Variants in TENM4 observed in about 807,000 individuals in gnomAD.
TENM4 encodes the protein teneurin transmembrane protein 4.
In TENM4, 82 loss-of-function variants were observed where a neutral mutation model predicts 243.3. That is an observed-to-expected ratio of 0.34 (90% CI 0.28 to 0.40). TENM4 has a LOEUF of 0.40. TENM4 is among the 10% of genes least tolerant of loss of function. The probability of loss-of-function intolerance (pLI) is 1.00; values close to 1 mark genes in which losing one functional copy is unlikely to be tolerated. For synonymous variants in TENM4, 1,412 were observed against 1,456.3 expected, an observed-to-expected ratio of 0.97 and a Z score of 0.69; for missense variants, 3,138 against 3,673.3, an observed-to-expected ratio of 0.85 and a Z score of 3.77.
intron 1 of TENM4, among the ~76,000 whole-genome samples, chr11:79,389,329 A>T (rs1187958562): frequency 6.6e-6 from 1 of 151,528 alleles, no homozygotes; most frequent in Non-Finnish European, 1.5e-5. Flanking sequence ...CTAATTTTTA[A>T]TTTTTTTTTG....
chr11:79,282,155 A>T (rs1447328621), intron 2 of TENM4, among the ~76,000 whole-genome samples: 1 of 152,238 alleles, frequency 6.6e-6, no homozygotes, highest in African/African-American at 2.4e-5. Context: ...AAAGACATTA[A>T]AAAGTACTGA....
At chr11:78,907,027 G>A (rs1856078912) in intron 6 of TENM4, among the ~76,000 whole-genome samples, 1 of 152,118 alleles carries the variant, frequency 6.6e-6, no homozygotes, top group African/African-American at 2.4e-5. Flanking sequence ...TATTTGCCTG[G>A]AGCCAGAGTT....
At chr11:79,023,431 G>A (rs1485112735) in intron 6 of TENM4, among the ~76,000 whole-genome samples, 1 of 151,932 alleles carries the variant, frequency 6.6e-6, no homozygotes, top group Non-Finnish European at 1.5e-5. Context: ...GCGCAGTGGT[G>A]TGCACCTGTA....
chr11:79,279,953 C>A (rs1386451792), intron 2 of TENM4, among the ~76,000 whole-genome samples: 1 of 152,102 alleles, frequency 6.6e-6, no homozygotes, highest in Non-Finnish European at 1.5e-5. Flanking sequence ...GTGGAGGGAA[C>A]TAGCTCGGCC....
intron 1 of TENM4, among the ~76,000 whole-genome samples, chr11:79,424,673 G>A (rs1324917433): frequency 1.3e-5 from 2 of 151,342 alleles, no homozygotes; most frequent in Non-Finnish European, 2.9e-5. Context: ...AGAGGCTCAC[G>A]CCTGTAATCC....
At chr11:79,252,620 ATCATTGC>A (rs1855631373) in intron 2 of TENM4, among the ~76,000 whole-genome samples, 3 of 152,204 alleles carry the variant, frequency 2.0e-5, no homozygotes, top group African/African-American at 7.2e-5. Flanking sequence ...GGAAGATTGA[ATCATTGC>A]TCCTAATTCT....
intron 15 of TENM4, among the ~76,000 whole-genome samples, chr11:78,803,715 G>A (rs55819890): frequency 6.6e-6 from 1 of 152,212 alleles, no homozygotes; most frequent in Non-Finnish European, 1.5e-5. Flanking sequence ...TACCTCCTCA[G>A]AGGCTGTGGG....
At chr11:78,662,981 G>A (rs1239810799) in intron 32 of TENM4, among the ~76,000 whole-genome samples, 1 of 152,212 alleles carries the variant, frequency 6.6e-6, no homozygotes. Flanking sequence ...GGCCTAGAGA[G>A]GGAAGGTGTG....
At chr11:78,854,942 T>C (rs1427502284) in intron 11 of TENM4, among the ~76,000 whole-genome samples, 2 of 152,214 alleles carry the variant, frequency 1.3e-5, no homozygotes, top group East Asian at 1.9e-4. Context: ...CAATTGCCAA[T>C]TGATCGGAGA....
rs572852477 is a variant in TENM4 at position 79,403,133 on chromosome 11, A to C, written c.-321+37376T>G. ...CACATGACATGCTGTCAATAGAGTCAAAAGATATGGCCCTTTAGTGAAGGA... is the reference window on the plus strand; with the variant it reads ...CACATGACATGCTGTCAATAGAGTCCAAAGATATGGCCCTTTAGTGAAGGA... On this transcript the variant is annotated intron_variant, in intron 1 of 33. Transcript: ENST00000278550. Among the ~76,000 whole-genome samples, 7 of 152,352 alleles carry C rather than the reference A, an allele frequency of 4.6e-5. No homozygotes were observed. The East Asian group carries it at 1.4e-3, about 29-fold the overall frequency.
chr11:78,738,799 G>A (rs1198855017), intron 19 of TENM4, among the ~76,000 whole-genome samples: 1 of 152,210 alleles, frequency 6.6e-6, no homozygotes, highest in Non-Finnish European at 1.5e-5. Flanking sequence ...GTGATTCAAT[G>A]ATCTCACTCG....
At chr11:78,966,193 TA>T (rs34603312) in intron 6 of TENM4, among the ~76,000 whole-genome samples, 69,576 of 131,534 alleles carry the variant, frequency 0.53, 17,667 homozygotes, top group Middle Eastern at 0.6. Flanking sequence ...AAAGGAAAAT[TA>T]AAAAAAAAAA....
intron 4 of TENM4, chr11:79,092,870 C>T (rs1458904439): frequency 6.6e-6 from 1 of 152,170 alleles, no homozygotes; most frequent in African/African-American, 2.4e-5. Context: ...GCCCTGGATC[C>T]CTTGTTTCCT....
intron 6 of TENM4, among the ~76,000 whole-genome samples, chr11:79,048,395 AT>A (rs1260983602): frequency 6.6e-6 from 1 of 152,102 alleles, no homozygotes. Flanking sequence ...TCTACATAAG[AT>A]TTATGAAGAT....
intron 2 of TENM4, among the ~76,000 whole-genome samples, chr11:79,253,425 C>T (rs1005426918): frequency 6.6e-6 from 1 of 152,192 alleles, no homozygotes; most frequent in African/African-American, 2.4e-5. Flanking sequence ...ATAATCGCAG[C>T]CTGTCAGACT....
intron 33 of TENM4, among the ~76,000 whole-genome samples, chr11:78,660,511 C>T (rs190930153): frequency 5.9e-5 from 9 of 152,068 alleles, no homozygotes; most frequent in Middle Eastern, 3.4e-3. Flanking sequence ...TCCCATTCTC[C>T]GGGGTCTGGT....
intron 5 of TENM4, among the ~76,000 whole-genome samples, chr11:79,066,617 C>T (rs893647257): frequency 6.6e-6 from 1 of 151,834 alleles, no homozygotes. Context: ...TGCACACACA[C>T]GTGCGCACAC....
intron 1 of TENM4, among the ~76,000 whole-genome samples, chr11:79,425,946 G>A (rs754766134): frequency 1.3e-5 from 2 of 152,174 alleles, no homozygotes; most frequent in African/African-American, 2.4e-5. Flanking sequence ...TAAATTATAG[G>A]TGTGTGCCCA....
chr11:79,035,832 C>T (rs182974236), intron 6 of TENM4, among the ~76,000 whole-genome samples: 28 of 152,198 alleles, frequency 1.8e-4, no homozygotes, highest in Admixed American at 5.2e-4. Context: ...AATATAAATC[C>T]TCCTTCCCTC....
Sources: gnomAD v4.1 joint callset for allele counts (sites outside exome capture counted in the v4.1 genomes callset) on GRCh38, gnomAD v4.1.1 for gene constraint, MANE v1.5 for transcripts, NCBI Gene and HGNC (gene_info 2026-07-23, HGNC 2026-07-21) for gene names.